PPARGC1A: variants seen among roughly 807,000 people sequenced by gnomAD.
PPARGC1A encodes PPARG coactivator 1 alpha.
In PPARGC1A, 25 loss-of-function variants were observed where a neutral mutation model predicts 88.7. The ratio of observed to expected loss-of-function variants is 0.28; its 90% CI spans 0.21 to 0.39. The LOEUF (loss-of-function observed/expected upper bound fraction) is 0.39, where lower values mean the gene tolerates loss of function less well. PPARGC1A is among the 10% of genes least tolerant of loss of function. The probability of loss-of-function intolerance (pLI) is 1.00; values close to 1 mark genes in which losing one functional copy is unlikely to be tolerated. For missense variants in PPARGC1A, 880 were observed against 968.7 expected, an observed-to-expected ratio of 0.91 and a Z score of 1.22; for synonymous variants, 363 against 355.6, an observed-to-expected ratio of 1.02 and a Z score of -0.24.
chr4:24,436,388 G>A, the PPARGC1A span, among the ~76,000 whole-genome samples: 2 of 152,254 alleles, frequency 1.3e-5, no homozygotes, highest in African/African-American at 2.4e-5. Context: ...GGTGAGCAGA[G>A]GTGGCCAACG....
At chr4:24,022,295 C>T in the PPARGC1A span, among the ~76,000 whole-genome samples, 1 of 152,010 alleles carries the variant, frequency 6.6e-6, no homozygotes, top group Non-Finnish European at 1.5e-5. Context: ...ATCACTGGAC[C>T]GATGTGTCTG....
chr4:24,439,566 T>C, the PPARGC1A span, among the ~76,000 whole-genome samples: 2 of 152,162 alleles, frequency 1.3e-5, no homozygotes, highest in African/African-American at 2.4e-5. Flanking sequence ...GGGCAGACTG[T>C]CATACCTAGG....
intron 2 of PPARGC1A, chr4:23,866,030 T>G (rs57120609): frequency 0.15 from 22,733 of 152,162 alleles, 2,080 homozygotes; most frequent in Non-Finnish European, 0.19. Context: ...GTTGTTTGTA[T>G]ACACTATATA....
the PPARGC1A span, among the ~76,000 whole-genome samples, chr4:24,116,161 A>G: frequency 6.6e-6 from 1 of 152,180 alleles, no homozygotes; most frequent in Admixed American, 6.5e-5. Flanking sequence ...TAATTTGTAT[A>G]TACGATTTTT....
At chr4:23,846,995 CTCAA>C (rs1402644200) in intron 2 of PPARGC1A, among the ~76,000 whole-genome samples, 1 of 152,082 alleles carries the variant, frequency 6.6e-6, no homozygotes, top group Non-Finnish European at 1.5e-5. Flanking sequence ...AGTAGTGACT[CTCAA>C]TGTTGGCTTT....
chr4:24,078,047 G>C, the PPARGC1A span, among the ~76,000 whole-genome samples: 1 of 151,788 alleles, frequency 6.6e-6, no homozygotes, highest in African/African-American at 2.4e-5. Flanking sequence ...CTTACCTCTA[G>C]AAATAAATAT....
the PPARGC1A span, among the ~76,000 whole-genome samples, chr4:23,994,577 T>C: frequency 6.6e-6 from 1 of 152,268 alleles, no homozygotes; most frequent in African/African-American, 2.4e-5. Context: ...ACTTTCAGGT[T>C]TCCATCTAGA....
the PPARGC1A span, among the ~76,000 whole-genome samples, chr4:23,935,847 G>T: frequency 6.6e-6 from 1 of 151,696 alleles, no homozygotes; most frequent in East Asian, 1.9e-4. Context: ...CCTAACTGAA[G>T]CCCTTGTATA....
At chr4:24,165,968 A>G in the PPARGC1A span, among the ~76,000 whole-genome samples, 1 of 152,264 alleles carries the variant, frequency 6.6e-6, no homozygotes, top group Non-Finnish European at 1.5e-5. Context: ...AGGCATGTCG[A>G]AAGCTGAAAC....
chr4:23,987,868 C>T, the PPARGC1A span, among the ~76,000 whole-genome samples: 52 of 152,064 alleles, frequency 3.4e-4, no homozygotes, highest in East Asian at 3.7e-3. Flanking sequence ...TATGCACCTG[C>T]CACGGTGGTT....
At chr4:24,338,162 G>A in the PPARGC1A span, among the ~76,000 whole-genome samples, 2 of 152,078 alleles carry the variant, frequency 1.3e-5, no homozygotes, top group Non-Finnish European at 1.5e-5. Context: ...AAAGCAATGC[G>A]ATCAGAAATG....
the PPARGC1A span, among the ~76,000 whole-genome samples, chr4:23,912,403 T>C: frequency 3.3e-5 from 5 of 152,182 alleles, no homozygotes; most frequent in Non-Finnish European, 7.3e-5. Context: ...ATCAGGATCA[T>C]GTGAGACAAT....
the PPARGC1A span, among the ~76,000 whole-genome samples, chr4:24,137,038 T>C: frequency 1.4e-5 from 2 of 145,742 alleles, no homozygotes; most frequent in East Asian, 2.0e-4. Flanking sequence ...CGCTTAAACC[T>C]GGGAGGTGGA....
At chr4:24,277,234 A>C in the PPARGC1A span, among the ~76,000 whole-genome samples, 1 of 152,010 alleles carries the variant, frequency 6.6e-6, no homozygotes, top group Non-Finnish European at 1.5e-5. Context: ...ACACACTACC[A>C]TGTACAGCTA....
chr4:23,934,843 T>G, the PPARGC1A span, among the ~76,000 whole-genome samples: 3 of 152,190 alleles, frequency 2.0e-5, no homozygotes, highest in Non-Finnish European at 4.4e-5. Context: ...AGGTTCCCTT[T>G]CCAATGGAGA....
At chr4:23,924,046 G>A in the PPARGC1A span, among the ~76,000 whole-genome samples, 487 of 152,178 alleles carry the variant, frequency 3.2e-3, 5 homozygotes, top group African/African-American at 0.011. Context: ...CTCAGCCCTG[G>A]CCTCTCCTGG....
the PPARGC1A span, among the ~76,000 whole-genome samples, chr4:24,245,161 A>G: frequency 1.3e-5 from 2 of 152,246 alleles, no homozygotes; most frequent in African/African-American, 4.8e-5. Context: ...CTTCATGAAT[A>G]ACGCAATGTG....
chr4:24,169,208 C>T, the PPARGC1A span, among the ~76,000 whole-genome samples: 2 of 152,074 alleles, frequency 1.3e-5, no homozygotes, highest in Non-Finnish European at 2.9e-5. Flanking sequence ...GGACATTCTA[C>T]AAAATTCCGG....
chr4:24,194,669 C>CA, the PPARGC1A span, among the ~76,000 whole-genome samples: 3,133 of 40,192 alleles, frequency 0.078, 115 homozygotes, highest in African/African-American at 0.11. Flanking sequence ...CACACACACA[C>CA]CCCCATCAAG....
Sources: allele counts gnomAD v4.1 joint callset (sites outside exome capture counted in the v4.1 genomes callset), GRCh38; gene constraint gnomAD v4.1.1; transcripts MANE v1.5; gene names NCBI Gene and HGNC (gene_info 2026-07-23, HGNC 2026-07-21).